The following KANK1 variants were observed in gnomAD, a reference collection of about 807,000 sequenced individuals.
KANK1 encodes KN motif and ankyrin repeat domains 1, also known as KN motif and ankyrin repeat domain-containing protein 1.
A neutral mutation model predicts 106.2 loss-of-function variants in KANK1; 109 were observed. That is an observed-to-expected ratio of 1.03 (90% CI 0.88 to 1.20). KANK1 has a LOEUF of 1.20. Ranked by LOEUF, KANK1 falls within the 50% of genes most tolerant of loss-of-function variation. The pLI is 0.00. For synonymous variants in KANK1, 873 were observed against 652.2 expected, an observed-to-expected ratio of 1.34 and a Z score of -5.16; for missense variants, 2,399 against 1,710.7, an observed-to-expected ratio of 1.40 and a Z score of -7.10.
At chr9:489,903 A>C (rs77847434) in intron 3 of KANK1, among the ~76,000 whole-genome samples, 1 of 152,198 alleles carries the variant, frequency 6.6e-6, no homozygotes, top group Non-Finnish European at 1.5e-5. Context: ...ACCTTGTATT[A>C]AACAATACCT....
chr9:670,209 C>G (rs1361621856), intron 1 of KANK1, among the ~76,000 whole-genome samples: 1 of 152,082 alleles, frequency 6.6e-6, no homozygotes. Context: ...GAATCACCAT[C>G]TCATTAGGGT....
chr9:659,119 G>A (rs1439205721), intron 1 of KANK1, among the ~76,000 whole-genome samples: 1 of 152,128 alleles, frequency 6.6e-6, no homozygotes, highest in Admixed American at 6.5e-5. Context: ...AGTTTATTTT[G>A]TTCACCACTG....
At chr9:678,910 T>C (rs1051470180) in intron 2 of KANK1, among the ~76,000 whole-genome samples, 2 of 152,278 alleles carry the variant, frequency 1.3e-5, no homozygotes, top group Admixed American at 6.5e-5. Flanking sequence ...GTGTTTAAGA[T>C]TGTTGGTGCC....
At chr9:542,859 T>C (rs1051530478) in intron 1 of KANK1, among the ~76,000 whole-genome samples, 4 of 152,066 alleles carry the variant, frequency 2.6e-5, no homozygotes, top group Admixed American at 2.0e-4. Context: ...TCACAGAAGC[T>C]GAGAGCGGAG....
At chr9:594,829 G>C (rs1259872827) in intron 1 of KANK1, among the ~76,000 whole-genome samples, 1 of 151,852 alleles carries the variant, frequency 6.6e-6, no homozygotes, top group Non-Finnish European at 1.5e-5. Flanking sequence ...GGAGAGTTCA[G>C]ATTCCCTGTC....
chr9:500,595 A>G (rs1401863663), upstream of KANK1, among the ~76,000 whole-genome samples: 2 of 152,248 alleles, frequency 1.3e-5, no homozygotes, highest in African/African-American at 2.4e-5. Context: ...TCCAAATTGG[A>G]AACTGAAATA....
At chr9:497,524 G>A (rs2058476556) in intron 3 of KANK1, among the ~76,000 whole-genome samples, 1 of 148,328 alleles carries the variant, frequency 6.7e-6, no homozygotes, top group African/African-American at 2.6e-5. Flanking sequence ...TAAAATATTT[G>A]AGAAGGACAA....
At chr9:623,784 C>T (rs1204474483) in intron 1 of KANK1, among the ~76,000 whole-genome samples, 7 of 151,958 alleles carry the variant, frequency 4.6e-5, no homozygotes, top group Non-Finnish European at 7.4e-5. Flanking sequence ...AACCCTTGTA[C>T]GCTATTAGGG....
chr9:511,353 C>G (rs1330592738), intron 1 of KANK1, among the ~76,000 whole-genome samples: 2 of 152,194 alleles, frequency 1.3e-5, no homozygotes, highest in African/African-American at 4.8e-5. Context: ...CTTGTGACTG[C>G]TGAGCCAGCC....
chr9:551,811 G>C (rs958764653), intron 1 of KANK1, among the ~76,000 whole-genome samples: 2 of 151,886 alleles, frequency 1.3e-5, no homozygotes, highest in African/African-American at 4.8e-5. Flanking sequence ...ACTTTGAGAG[G>C]CCAAGGCAGG....
At chr9:650,552 G>T (rs1464892444) in intron 1 of KANK1, among the ~76,000 whole-genome samples, 2 of 152,162 alleles carry the variant, frequency 1.3e-5, no homozygotes, top group African/African-American at 4.8e-5. Context: ...CATGACTTGA[G>T]TAGCAGGTTG....
At chr9:512,032 C>G (rs1452176856) in intron 1 of KANK1, among the ~76,000 whole-genome samples, 1 of 152,122 alleles carries the variant, frequency 6.6e-6, no homozygotes, top group Admixed American at 6.6e-5. Context: ...TGACTATTGC[C>G]TTAGTGGGAG....
intron 10 of KANK1, 69 bp from the exon 11 acceptor site, chr9:744,422 C>T: frequency 6.5e-7 from 1 of 1,536,170 alleles, no homozygotes; most frequent in Non-Finnish European, 8.9e-7. Flanking sequence ...GTGTTTTGTT[C>T]TGTTACCTTT....
chr9:662,659 A>C (rs991898554), intron 1 of KANK1, among the ~76,000 whole-genome samples: 10 of 93,780 alleles, frequency 1.1e-4, no homozygotes, highest in Non-Finnish European at 2.0e-4. Context: ...CCTTATACAA[A>C]AGTTAATTTT....
At chr9:707,168 C>CCCGAGG in intron 2 of KANK1, 1 of 985,716 alleles carries the variant, frequency 1.0e-6, no homozygotes, top group Non-Finnish European at 1.2e-6. Flanking sequence ...ATCGAGGGCG[C>CCCGAGG]CCGAGGCCGG....
intron 1 of KANK1, among the ~76,000 whole-genome samples, chr9:572,478 G>A (rs1819459274): frequency 6.6e-6 from 1 of 152,056 alleles, no homozygotes; most frequent in South Asian, 2.1e-4. Context: ...CGTGAACCTG[G>A]GAGGTGGAGC....
intron 1 of KANK1, among the ~76,000 whole-genome samples, chr9:667,217 A>C (rs150098645): frequency 3.0e-3 from 452 of 151,836 alleles, no homozygotes; most frequent in Middle Eastern, 0.01. Flanking sequence ...TAGATTTTTC[A>C]ATTTGTTGGC....
At position 631,540 on chromosome 9, in the gene KANK1, C is replaced by G. The variant is rs974838086; in HGVS notation, c.-83-45350C>G. 1.4e-4 allele frequency among the ~76,000 whole-genome samples: 11 copies of G among 80,266 alleles called. No homozygotes were observed. In the Admixed American group the frequency reaches 1.5e-3, roughly 11 times the overall value. 52.7% of individuals were successfully genotyped at this position (80,266 alleles called of 152,430 possible). A position where few individuals can be genotyped will look rare whatever the true frequency, so the allele number is the denominator to read the frequency against. On this transcript the variant is annotated intron_variant, in intron 1 of 11. Coordinates refer to ENST00000382297, the MANE Select transcript of KANK1 (RefSeq NM_015158.5). ...CACTGAAACACCCTCTTAGGATCTCCTTCTTCCACATTCCTCCTCCTCTAG... is the reference window on the plus strand; with the variant it reads ...CACTGAAACACCCTCTTAGGATCTCGTTCTTCCACATTCCTCCTCCTCTAG...
At chr9:678,953 C>G (rs1295393875) in intron 2 of KANK1, among the ~76,000 whole-genome samples, 1 of 152,112 alleles carries the variant, frequency 6.6e-6, no homozygotes, top group Admixed American at 6.6e-5. Flanking sequence ...GTGCCTTGGG[C>G]AAAATCCTTT....
Sources: allele counts gnomAD v4.1 joint callset (sites outside exome capture counted in the v4.1 genomes callset), GRCh38; gene constraint gnomAD v4.1.1; transcripts MANE v1.5; gene names NCBI Gene and HGNC (gene_info 2026-07-23, HGNC 2026-07-21).